PI4KA: variants seen among roughly 807,000 people sequenced by gnomAD.
The protein encoded by PI4KA is PI4-kinase alpha.
PI4KA carries 122 observed loss-of-function variants against 271.4 expected under a neutral mutation model. The ratio of observed to expected loss-of-function variants is 0.45; its 90% CI spans 0.39 to 0.52. The LOEUF (loss-of-function observed/expected upper bound fraction) is 0.52. Among genes scored for constraint, PI4KA ranks in the 20% least tolerant of loss-of-function variants. The pLI is 0.00. For synonymous variants in PI4KA, 1,041 were observed against 1,078.8 expected (o/e 0.96, Z 0.69); for missense variants, 1,969 against 2,769.1 (o/e 0.71, Z 6.48).
At chr22:20,756,323 C>A (rs931220122) in intron 23 of PI4KA, among the ~76,000 whole-genome samples, 3 of 151,046 alleles carry the variant, frequency 2.0e-5, no homozygotes, top group Non-Finnish European at 2.9e-5. Context: ...CAGATTCAAG[C>A]AATTCTCCTG....
chr22:20,708,725 T>C (rs1391282537), intron 54 of PI4KA, among the ~76,000 whole-genome samples: 2 of 114,080 alleles, frequency 1.8e-5, no homozygotes, highest in Non-Finnish European at 3.5e-5. Context: ...TGCTGCCCCC[T>C]TCGGGGATGG....
chr22:20,810,572 G>A (rs1398612476), intron 9 of PI4KA, among the ~76,000 whole-genome samples: 1 of 151,630 alleles, frequency 6.6e-6, no homozygotes, highest in African/African-American at 2.4e-5. Context: ...ACTTGCATAC[G>A]CCTAGAAAAG....
chr22:20,735,953 T>C (rs4461352), intron 32 of PI4KA, among the ~76,000 whole-genome samples: 4,466 of 152,268 alleles, frequency 0.029, 88 homozygotes, highest in Middle Eastern at 0.061. Context: ...CACATCCTGG[T>C]GGCTGCCTCT....
chr22:20,778,680 C>T (rs1933501498), intron 19 of PI4KA, among the ~76,000 whole-genome samples: 1 of 152,160 alleles, frequency 6.6e-6, no homozygotes, highest in Admixed American at 6.5e-5. Flanking sequence ...GTGAGTCACA[C>T]AGGCATGGCT....
chr22:20,748,071 T>C (rs1265446835), intron 28 of PI4KA, among the ~76,000 whole-genome samples: 1 of 152,184 alleles, frequency 6.6e-6, no homozygotes, highest in African/African-American at 2.4e-5. Context: ...TAAAACTTTA[T>C]AAATTAAGGT....
At chr22:20,814,747 T>C (rs1921540306) in intron 7 of PI4KA, among the ~76,000 whole-genome samples, 1 of 149,052 alleles carries the variant, frequency 6.7e-6, no homozygotes, top group African/African-American at 2.5e-5. Flanking sequence ...AAATCCTGTA[T>C]TAAAAAAAAA....
intron 20 of PI4KA, 88 bp downstream of exon 20, chr22:20,765,497 G>T: frequency 1.1e-6 from 1 of 892,404 alleles, no homozygotes; most frequent in Non-Finnish European, 1.8e-6. Context: ...ATTTAAACAT[G>T]CTCACATTCA....
chr22:20,858,796 A>T lies in PI4KA; in HGVS notation c.-71T>A. On this transcript the variant is annotated 5_prime_UTR_variant, in exon 1 of 55. Coordinates refer to ENST00000255882, the MANE Select transcript of PI4KA (RefSeq NM_058004.4). Reference sequence around the variant, plus strand: ...CCGCGAGCGCCCGACCTCAGGGCGCAGGCGTAGGTGCATCCGGCTTTCCCG... The same window carrying T: ...CCGCGAGCGCCCGACCTCAGGGCGCTGGCGTAGGTGCATCCGGCTTTCCCG... 7.4e-7 allele frequency: 1 copy of T among 1,360,058 alleles called. No homozygotes were observed. The highest frequency in any genetic ancestry group is 9.5e-7 in the Non-Finnish European group (1 of 1,054,410). The allele number at this position is 1,360,058 out of a possible 1,614,324, so 84.2% of individuals were successfully genotyped here.
At chr22:20,855,036 C>T (rs1927420412) in intron 1 of PI4KA, among the ~76,000 whole-genome samples, 1 of 151,742 alleles carries the variant, frequency 6.6e-6, no homozygotes, top group African/African-American at 2.4e-5. Flanking sequence ...CCTGTAGTCC[C>T]AGCTACTCAG....
At chr22:20,807,317 G>A (rs369887852) in intron 10 of PI4KA, 45 bp downstream of exon 10, 1 of 1,206,824 alleles carries the variant, frequency 8.3e-7, no homozygotes, top group Non-Finnish European at 1.2e-6. Flanking sequence ...TGGCCTGGGA[G>A]CCAGTCTTGC....
At chr22:20,832,798 C>T (rs1223541924) in intron 3 of PI4KA, among the ~76,000 whole-genome samples, 4 of 152,076 alleles carry the variant, frequency 2.6e-5, no homozygotes, top group Non-Finnish European at 4.4e-5. Flanking sequence ...TCTCCTATAT[C>T]GTTTTATTGT....
At chr22:20,735,039 T>C (rs1303590286) in intron 32 of PI4KA, among the ~76,000 whole-genome samples, 1 of 151,982 alleles carries the variant, frequency 6.6e-6, no homozygotes, top group Non-Finnish European at 1.5e-5. Context: ...GAAAGGCCCA[T>C]GGAGCCGAGG....
intron 2 of PI4KA, among the ~76,000 whole-genome samples, chr22:20,837,498 C>A (rs1601598588): frequency 6.6e-6 from 1 of 152,114 alleles, no homozygotes; most frequent in African/African-American, 2.4e-5. Flanking sequence ...AATTAAAATT[C>A]TTATTTGTTT....
At chr22:20,830,843 C>T (rs1261905954) in intron 3 of PI4KA, among the ~76,000 whole-genome samples, 1 of 152,134 alleles carries the variant, frequency 6.6e-6, no homozygotes, top group Non-Finnish European at 1.5e-5. Flanking sequence ...GCGACTGTGG[C>T]TCACTGTAAC....
intron 50 of PI4KA, among the ~76,000 whole-genome samples, chr22:20,711,771 A>C (rs973338633): frequency 1.4e-4 from 21 of 151,662 alleles, no homozygotes; most frequent in African/African-American, 4.8e-4. Flanking sequence ...TTTTAAATGG[A>C]GTCTCGCTCT....
At chr22:20,724,174 A>G (rs1927075514) in intron 42 of PI4KA, among the ~76,000 whole-genome samples, 1 of 151,754 alleles carries the variant, frequency 6.6e-6, no homozygotes. Context: ...GTGTGGTGGC[A>G]CATGCCTGTA....
At position 20,727,880 on chromosome 22, in the gene PI4KA, G is replaced by A. The variant is rs181109426; in HGVS notation, c.4683-16C>T. 127 of 1,601,736 alleles carry A rather than the reference G, an allele frequency of 7.9e-5. No homozygotes were observed. In the African/African-American group the frequency reaches 1.5e-3, roughly 19 times the overall value. ...GTTCTTAAACCTACAGTGCACAGAG[G>A]GTATGGGTGGTGCTGCCTCGCCAGG... On this transcript the variant is annotated splice_polypyrimidine_tract_variant and intron_variant, in intron 39 of 54. Transcript: ENST00000255882.
rs111817264 is a variant in PI4KA at position 20,746,912 on chromosome 22, T to C, written c.3363+671A>G. 8.1e-3 allele frequency among the ~76,000 whole-genome samples: 1,236 copies of C among 152,308 alleles called. 6 individuals are homozygous for C. The highest frequency in any genetic ancestry group is 0.034 in the Middle Eastern group (10 of 294). On this transcript the variant is annotated intron_variant, in intron 29 of 54. Transcript: ENST00000255882. ...GTATCCCAAGGGAGGCCTGTCACCC[T>C]TCCTCCTGGGTACACAGCCTCTGCA...
chr22:20,824,779 C>CACA (rs1555905118), intron 3 of PI4KA, among the ~76,000 whole-genome samples: 38 of 124,478 alleles, frequency 3.1e-4, no homozygotes, highest in African/African-American at 1.2e-3. Context: ...CACACACACA[C>CACA]AAAACACTCG....
Sources: gnomAD v4.1 joint callset for allele counts (sites outside exome capture counted in the v4.1 genomes callset) on GRCh38, gnomAD v4.1.1 for gene constraint, MANE v1.5 for transcripts, NCBI Gene and HGNC (gene_info 2026-07-23, HGNC 2026-07-21) for gene names.